The following SLC35F3 variants were observed in gnomAD, a reference collection of about 807,000 sequenced individuals.
SLC35F3 encodes the protein putative thiamine transporter SLC35F3.
A neutral mutation model predicts 49.9 loss-of-function variants in SLC35F3; 25 were observed. The ratio of observed to expected loss-of-function variants is 0.50; its 90% CI spans 0.37 to 0.70. The LOEUF (loss-of-function observed/expected upper bound fraction) is 0.70, where lower values mean the gene tolerates loss of function less well. Ranked by LOEUF, SLC35F3 falls within the 30% of genes least tolerant of loss-of-function variation. The pLI, the probability that SLC35F3 is intolerant of heterozygous loss-of-function variation, is 0.00. For missense variants in SLC35F3, 525 were observed against 639.8 expected (o/e 0.82, Z 1.94); for synonymous variants, 275 against 265.4 (o/e 1.04, Z -0.35).
chr1:233,983,613 G>A (rs970678913), intron 2 of SLC35F3, among the ~76,000 whole-genome samples: 9 of 152,138 alleles, frequency 5.9e-5, no homozygotes, highest in African/African-American at 1.4e-4. Flanking sequence ...ATTTGCATGC[G>A]AAGTTTAAGG....
intron 2 of SLC35F3, among the ~76,000 whole-genome samples, chr1:233,915,909 C>A (rs893382559): frequency 6.6e-6 from 1 of 152,190 alleles, no homozygotes; most frequent in African/African-American, 2.4e-5. Context: ...AGGTCCCTCC[C>A]ACAACATGTG....
rs961890582 is a variant in SLC35F3, at chr1:233,957,403, C to T, written c.283+51645C>T. On this transcript the variant is annotated intron_variant, in intron 2 of 7. Transcript: ENST00000366618. This position sits in a 1 kb window ranked among gnomAD's most constrained non-coding sequence, Gnocchi z 4.0. ...GTGTGGGCTCTGTCACCTTTGTAGC[C>T]TCATTTATTCCACTCCTTTCAGGAT... Among the ~76,000 whole-genome samples the T allele has an allele frequency of 1.3e-5, 2 of 152,294 alleles. No individual in the cohort carries two copies. The highest frequency in any genetic ancestry group is 1.5e-5 in the Non-Finnish European group (1 of 68,020).
chr1:234,118,836 T>C (rs1558234510), intron 2 of SLC35F3, among the ~76,000 whole-genome samples: 1 of 152,194 alleles, frequency 6.6e-6, no homozygotes, highest in African/African-American at 2.4e-5. Context: ...ATTCATTTGC[T>C]TCTCCTTTAG....
At chr1:234,050,507 T>C (rs1047013495) in intron 2 of SLC35F3, among the ~76,000 whole-genome samples, 2 of 152,248 alleles carry the variant, frequency 1.3e-5, no homozygotes. Context: ...CCTATAAATT[T>C]GTTTAAGTTC....
chr1:233,954,195 A>G (rs1209503726), intron 2 of SLC35F3, among the ~76,000 whole-genome samples: 1 of 152,070 alleles, frequency 6.6e-6, no homozygotes, highest in Non-Finnish European at 1.5e-5. Context: ...TTTAGTAGAG[A>G]TGATATTTCG....
Position 233,904,888 on chromosome 1 carries a change from C to G in SLC35F3, c.-190C>G. ...CTGAACCGCCGCGCCTGCATCGTGC[C>G]GCACGCCGCGGAGGCGCTCGGGTAC... is the stretch of plus-strand genomic sequence containing the variant. On this transcript the variant is annotated 5_prime_UTR_variant, in exon 1 of 8. Coordinates refer to ENST00000366618, the MANE Select transcript of SLC35F3 (RefSeq NM_173508.4). 1 of 416,568 alleles carries G rather than the reference C, an allele frequency of 2.4e-6. No individual in the cohort carries two copies. The highest frequency in any genetic ancestry group is 4.0e-6 in the Non-Finnish European group (1 of 247,378). The allele number at this position is 416,568 out of a possible 1,614,324, so 25.8% of individuals were successfully genotyped here.
intron 2 of SLC35F3, among the ~76,000 whole-genome samples, chr1:234,168,659 G>A (rs778263934): frequency 6.6e-6 from 1 of 152,248 alleles, no homozygotes. Flanking sequence ...GCCAGGAAAT[G>A]CAGAGGTGAG....
At chr1:233,905,789 C>T (rs1390048532) in intron 2 of SLC35F3, 31 bp downstream of exon 2, 3 of 1,566,122 alleles carry the variant, frequency 1.9e-6, no homozygotes, top group African/African-American at 1.3e-5. Context: ...GTTTCCCGTT[C>T]ACTGGTCCAT....
Position 234,260,246 on chromosome 1 carries a change from T to C in SLC35F3, c.608+28505T>C, listed in dbSNP as rs147189787. Among the ~76,000 whole-genome samples, 316 of 152,280 alleles carry C rather than the reference T, an allele frequency of 2.1e-3. 4 individuals are homozygous for C. The highest frequency in any genetic ancestry group is 7.2e-3 in the African/African-American group (300 of 41,552). ...ACCCAGGAAGCTGGTTAAATGCTGA[T>C]CCCAAGGCTCAGCCTCTAGACATTC... is the stretch of plus-strand genomic sequence containing the variant. On this transcript the variant is annotated intron_variant, in intron 3 of 7. Coordinates refer to ENST00000366618, the MANE Select transcript of SLC35F3 (RefSeq NM_173508.4).
intron 2 of SLC35F3, among the ~76,000 whole-genome samples, chr1:233,978,138 C>T (rs1025590141): frequency 6.6e-6 from 1 of 151,972 alleles, no homozygotes; most frequent in Non-Finnish European, 1.5e-5. Flanking sequence ...CAGGTGTTTG[C>T]CACTGGAGGA....
At position 234,291,151 on chromosome 1, in the gene SLC35F3, A is replaced by G. The variant is rs537136806; in HGVS notation, c.609-17950A>G. On this transcript the variant is annotated intron_variant, in intron 3 of 7. Coordinates refer to ENST00000366618, the MANE Select transcript of SLC35F3 (RefSeq NM_173508.4). Reference sequence around the variant, plus strand: ...CAAACCACCAACCCCTCCCTGACACACACTGACTGACGCTAATCACTGTAG... The same window carrying G: ...CAAACCACCAACCCCTCCCTGACACGCACTGACTGACGCTAATCACTGTAG... Among the ~76,000 whole-genome samples the G allele has an allele frequency of 8.5e-5, 13 of 152,302 alleles. No homozygotes were observed. In the East Asian group the frequency reaches 2.5e-3, roughly 29 times the overall value.
intron 2 of SLC35F3, among the ~76,000 whole-genome samples, chr1:234,090,085 G>T (rs1024934022): frequency 7.2e-5 from 11 of 152,256 alleles, no homozygotes; most frequent in Admixed American, 3.3e-4. Flanking sequence ...AAGGCTCTTT[G>T]GTGTGACAAT....
chr1:233,939,141 C>T (rs765839463), intron 2 of SLC35F3, among the ~76,000 whole-genome samples: 49 of 152,166 alleles, frequency 3.2e-4, no homozygotes, highest in Non-Finnish European at 6.5e-4. Context: ...GTCTAATTGA[C>T]ATAGATACTG....
chr1:234,265,941 G>T (rs1209061745), intron 3 of SLC35F3, among the ~76,000 whole-genome samples: 1 of 152,088 alleles, frequency 6.6e-6, no homozygotes, highest in Non-Finnish European at 1.5e-5. Context: ...ACGTCTGCAG[G>T]CCTCACCCTC....
At chr1:234,099,337 C>T (rs543542991) in intron 2 of SLC35F3, among the ~76,000 whole-genome samples, 12 of 152,196 alleles carry the variant, frequency 7.9e-5, no homozygotes, top group Middle Eastern at 3.4e-3. Context: ...ACCGGCCGTG[C>T]GCTGTGGCTC....
chr1:234,282,301 GGTGT>G (rs963627060), intron 3 of SLC35F3, among the ~76,000 whole-genome samples: 3 of 152,182 alleles, frequency 2.0e-5, no homozygotes, highest in Non-Finnish European at 4.4e-5. Context: ...GCCTGCTAAT[GGTGT>G]GTGTGAGCCG....
intron 2 of SLC35F3, among the ~76,000 whole-genome samples, chr1:234,055,048 G>T (rs1479183575): frequency 6.6e-6 from 1 of 152,178 alleles, no homozygotes; most frequent in African/African-American, 2.4e-5. Context: ...GGTGTCAGGT[G>T]CCCCTACTGG....
intron 2 of SLC35F3, among the ~76,000 whole-genome samples, chr1:234,179,329 TA>T (rs1288667031): frequency 6.6e-6 from 1 of 152,212 alleles, no homozygotes; most frequent in Non-Finnish European, 1.5e-5. Flanking sequence ...CTTTGTTTTA[TA>T]AAACAAATCT....
At chr1:234,260,161 T>C (rs1667881321) in intron 3 of SLC35F3, among the ~76,000 whole-genome samples, 1 of 152,204 alleles carries the variant, frequency 6.6e-6, no homozygotes, top group African/African-American at 2.4e-5. Context: ...TACATCACAC[T>C]CCTTAGTACT....
Sources: gnomAD v4.1 joint callset for allele counts (sites outside exome capture counted in the v4.1 genomes callset) on GRCh38, gnomAD v4.1.1 for gene constraint, Gnocchi (gnomAD v3.1) non-coding constraint, MANE v1.5 for transcripts, NCBI Gene and HGNC (gene_info 2026-07-23, HGNC 2026-07-21) for gene names.